CAND2: variants seen among roughly 807,000 people sequenced by gnomAD.
CAND2 encodes the protein cullin-associated NEDD8-dissociated protein 2.
Under a neutral mutation model 98.9 loss-of-function variants are expected in CAND2, and 62 were observed. The ratio of observed to expected loss-of-function variants is 0.63; its 90% CI spans 0.51 to 0.77. The LOEUF (loss-of-function observed/expected upper bound fraction) is 0.77. CAND2 is among the 30% of genes least tolerant of loss of function. The probability of loss-of-function intolerance (pLI) is 0.00; values close to 1 mark genes in which losing one functional copy is unlikely to be tolerated. For missense variants in CAND2, 1,501 were observed against 1,655.2 expected, an observed-to-expected ratio of 0.91 and a Z score of 1.62; for synonymous variants, 770 against 731.9, an observed-to-expected ratio of 1.05 and a Z score of -0.84.
intron 4 of CAND2, among the ~76,000 whole-genome samples, chr3:12,809,405 C>T (rs1326525269): frequency 2.0e-5 from 3 of 152,076 alleles, no homozygotes; most frequent in Non-Finnish European, 4.4e-5. Flanking sequence ...ACAAATGAAA[C>T]CTAGGAGAGG....
chr3:12,796,823 C>A (rs1480693879), intron 1 of CAND2, 35 bp downstream of exon 1: 1 of 1,538,464 alleles, frequency 6.5e-7, no homozygotes, highest in Non-Finnish European at 8.8e-7. Context: ...CTCTCCTTCC[C>A]GCTCTGAAGC....
chr3:12,803,184 G>A (rs1309125477), intron 1 of CAND2, among the ~76,000 whole-genome samples: 6 of 152,066 alleles, frequency 3.9e-5, no homozygotes, highest in Non-Finnish European at 8.8e-5. Flanking sequence ...AGTAGAGACT[G>A]GGTTTCACCA....
rs543534490 is a variant in CAND2 at position 12,807,821 on chromosome 3, T to C, written c.367+361T>C. On this transcript the variant is annotated intron_variant, in intron 3 of 14. Transcript: ENST00000456430. ...TCTTGCCCCATGTCCCCTCCCTTTATAGGGAAAGCACACGTTTTCCCAGAA... is the reference window on the plus strand; with the variant it reads ...TCTTGCCCCATGTCCCCTCCCTTTACAGGGAAAGCACACGTTTTCCCAGAA... 2.0e-5 allele frequency among the ~76,000 whole-genome samples: 3 copies of C among 152,306 alleles called. No homozygotes were observed. In the East Asian group the frequency reaches 5.8e-4, roughly 29 times the overall value.
Position 12,834,121 on chromosome 3 carries a change from C to G in CAND2, c.*139C>G. On this transcript the variant is annotated 3_prime_UTR_variant, in exon 15 of 15. Coordinates refer to ENST00000456430, the MANE Select transcript of CAND2 (RefSeq NM_001162499.2). ...GGGGCCCTGTCGCTCCTGGTCAGGG[C>G]TTACAGTGCCTTCTCCAGGGACCCA... is the stretch of plus-strand genomic sequence containing the variant. The G allele has an allele frequency of 3.0e-6, 2 of 677,760 alleles. No homozygotes were observed. The highest frequency in any genetic ancestry group is 5.0e-6 in the Non-Finnish European group (2 of 401,710). The allele number at this position is 677,760 out of a possible 1,614,324, so 42.0% of individuals were successfully genotyped here. A position where few individuals can be genotyped will look rare whatever the true frequency, so the allele number is the denominator to read the frequency against.
chr3:12,829,695 G>A (rs1394840952), intron 13 of CAND2, among the ~76,000 whole-genome samples: 1 of 152,198 alleles, frequency 6.6e-6, no homozygotes, highest in Non-Finnish European at 1.5e-5. Flanking sequence ...TTAAGTGAGT[G>A]CCAACACGCC....
rs1001779014 is a variant in CAND2, at chr3:12,807,378, G to A, written c.285G>A (p.Met95Ile). 76 of 1,551,624 alleles carry A rather than the reference G, an allele frequency of 4.9e-5. No individual in the cohort carries two copies. Among genetic ancestry groups the A allele is most frequent in the Non-Finnish European group, 6.4e-5 (73 of 1,147,002 alleles). ...TTGTGGACACCCTGTGCACCAACAT[G>A]CGGTCAGACAAGGAGCAGCTGCGAG... ...ETIVDTLCTN[M>I]RSDKEQLRDI... Residue 95 changes from methionine to isoleucine, a missense_variant, in exon 3 of 15, where the codon ATG becomes ATA. Physicochemically the swap from Met to Ile is conservative, Grantham distance 10 (BLOSUM62 1). This residue lies in a region of CAND2 where 1,427 missense variants were observed against 1,545.3 expected (regional missense o/e 0.92). Transcript: ENST00000456430.
At chr3:12,805,277 CT>C (rs71268422) in intron 2 of CAND2, among the ~76,000 whole-genome samples, 4,701 of 146,036 alleles carry the variant, frequency 0.032, 246 homozygotes, top group African/African-American at 0.11. Flanking sequence ...GCAAGATTTT[CT>C]TTTTTTTTTC....
intron 1 of CAND2, among the ~76,000 whole-genome samples, chr3:12,797,762 T>G (rs2061736855): frequency 1.0e-5 from 1 of 98,474 alleles, no homozygotes; most frequent in Admixed American, 8.3e-5. Flanking sequence ...ATGAAGGGCG[T>G]AGGTTCAGTC....
At chr3:12,821,917 C>T (rs913535864) in intron 11 of CAND2, among the ~76,000 whole-genome samples, 1 of 152,116 alleles carries the variant, frequency 6.6e-6, no homozygotes, top group Non-Finnish European at 1.5e-5. Context: ...TCTAAAATTA[C>T]TCTTTTTTTC....
At chr3:12,820,753 C>T (rs2061951350) in intron 11 of CAND2, among the ~76,000 whole-genome samples, 1 of 152,210 alleles carries the variant, frequency 6.6e-6, no homozygotes, top group African/African-American at 2.4e-5. Context: ...GAAGGCAGAG[C>T]CCTCGCCCCT....
At chr3:12,829,657 T>C (rs1388628684) in intron 13 of CAND2, among the ~76,000 whole-genome samples, 4 of 152,202 alleles carry the variant, frequency 2.6e-5, no homozygotes, top group Non-Finnish European at 5.9e-5. Context: ...ATGATGCACA[T>C]AGACCCTCAT....
At chr3:12,822,795 G>A (rs1469809057) in intron 11 of CAND2, among the ~76,000 whole-genome samples, 3 of 152,114 alleles carry the variant, frequency 2.0e-5, no homozygotes, top group Non-Finnish European at 2.9e-5. Context: ...ATTGCTTCTA[G>A]GCCCTCTCAG....
intron 1 of CAND2, among the ~76,000 whole-genome samples, chr3:12,797,676 G>C (rs2061736280): frequency 6.6e-6 from 1 of 152,166 alleles, no homozygotes; most frequent in South Asian, 2.1e-4. Flanking sequence ...CCAGCTGAAA[G>C]AAGACCTTGG....
At chr3:12,832,182 A>G (rs543930036) in intron 14 of CAND2, 1 of 152,386 alleles carries the variant, frequency 6.6e-6, no homozygotes, top group Admixed American at 6.5e-5. Context: ...CTTAAAGAGG[A>G]GAGATACCCA....
Position 12,813,089 on chromosome 3 carries a change from TGAG to T in CAND2, c.860_862del (p.Arg287del). 6.3e-7 allele frequency: 1 copy of T among 1,575,572 alleles called. No homozygotes were observed. The highest frequency in any genetic ancestry group is 8.6e-7 in the Non-Finnish European group (1 of 1,160,156). On this transcript the variant is annotated inframe_deletion, in exon 6 of 15. Coordinates refer to ENST00000456430, the MANE Select transcript of CAND2 (RefSeq NM_001162499.2). ...TGCCTCCAGGCTTTTGAGGCCTTCT[TGAG>T]GAAGTATGTATGGTGGGGTTGCCTG...
At position 12,810,279 on chromosome 3, in the gene CAND2, A is replaced by C. The variant is rs1321236404; in HGVS notation, c.712A>C (p.Ile238Leu). Residue 238 changes from isoleucine to leucine, a missense_variant, in exon 5 of 15, where the codon ATC becomes CTC. Coordinates refer to ENST00000456430, the MANE Select transcript of CAND2 (RefSeq NM_001162499.2). ...CAGCCCGACTGCCATCCGCACCCTG[A>C]TCCAATGTTTGGGCAGCGTCGGCCG... ...PTSPTAIRTLIQCLGSVGRQA... is the reference protein window; with the variant it reads ...PTSPTAIRTLLQCLGSVGRQA... The C allele has an allele frequency of 6.7e-6, 10 of 1,495,544 alleles. No homozygotes were observed. Among genetic ancestry groups the C allele is most frequent in the Admixed American group, 2.2e-5 (1 of 45,426 alleles). The allele number at this position is 1,495,544 out of a possible 1,614,324, so 92.6% of individuals were successfully genotyped here.
intron 1 of CAND2, among the ~76,000 whole-genome samples, 161 bp from the exon 2 acceptor site, chr3:12,803,327 A>G (rs572939643): frequency 1.3e-5 from 2 of 152,258 alleles, no homozygotes; most frequent in South Asian, 4.1e-4. Flanking sequence ...ACCATTGTAT[A>G]TGTTGCCTGT....
rs769318247 is a variant in CAND2 at position 12,816,994 on chromosome 3, C to A, written c.2062C>A (p.Pro688Thr). ...GGCCCAGAGCCAGGGCCTCAGCCTC[C>A]CACCGTCTGCCGTGCAGGCCGTGCT... ...ALAQSQGLSL[P>T]PSAVQAVLAE... Residue 688 changes from proline to threonine, a missense_variant, in exon 10 of 15, where the codon CCA (proline) becomes ACA (threonine). By Grantham distance (38) the Pro-to-Thr change is conservative (BLOSUM62 -1). This residue lies in a region of CAND2 where 1,427 missense variants were observed against 1,545.3 expected (regional missense o/e 0.92). Transcript: ENST00000456430. 6.2e-7 allele frequency: 1 copy of A among 1,613,068 alleles called. No homozygotes were observed. Among genetic ancestry groups the A allele is most frequent in the South Asian group, 1.1e-5 (1 of 91,064 alleles).
chr3:12,825,116 C>CT (rs528083266), intron 11 of CAND2, among the ~76,000 whole-genome samples: 3,337 of 143,506 alleles, frequency 0.023, 92 homozygotes, highest in African/African-American at 0.071. Context: ...AAATTTTTTT[C>CT]TTTTTTTTTT....
Sources: allele counts gnomAD v4.1 joint callset (sites outside exome capture counted in the v4.1 genomes callset), GRCh38; gene constraint gnomAD v4.1.1; regional missense constraint gnomAD v4.1.1; transcripts MANE v1.5; gene names NCBI Gene and HGNC (gene_info 2026-07-23, HGNC 2026-07-21).